The following GALM variants were observed in gnomAD, a reference collection of about 807,000 sequenced individuals.
The protein encoded by GALM is aldose 1-epimerase.
A neutral mutation model predicts 37.4 loss-of-function variants in GALM; 43 were observed. The ratio of observed to expected loss-of-function variants is 1.15; its 90% CI spans 0.90 to 1.48. The LOEUF is 1.48. GALM is among the 40% of genes most tolerant of loss of function. The pLI, the probability that GALM is intolerant of heterozygous loss-of-function variation, is 0.00. For missense variants in GALM, 456 were observed against 419.1 expected (o/e 1.09, Z -0.77); for synonymous variants, 199 against 170.6 (o/e 1.17, Z -1.30).
chr2:38,688,999 T>C lies in GALM; in HGVS notation c.553-814T>C, dbSNP rs984675437. 3.3e-5 allele frequency among the ~76,000 whole-genome samples: 5 copies of C among 152,242 alleles called. No individual in the cohort carries two copies. In the South Asian group the frequency reaches 8.3e-4, roughly 25 times the overall value. On this transcript the variant is annotated intron_variant, in intron 3 of 6. Coordinates refer to ENST00000272252, the MANE Select transcript of GALM (RefSeq NM_138801.3). ...CCACACCTGGCTAATTTTGTATTTT[T>C]AGTAGAGACGGGGCTTCTTCTTTTT...
At chr2:38,676,154 A>G in intron 2 of GALM, 88 bp downstream of exon 2, 2 of 1,331,538 alleles carry the variant, frequency 1.5e-6, no homozygotes, top group Non-Finnish European at 2.1e-6. Flanking sequence ...GCCCTAGAGC[A>G]CATGAGTGGT....
intron 4 of GALM, among the ~76,000 whole-genome samples, chr2:38,708,107 AAAATTAAAAT>A (rs139198382): frequency 0.21 from 15,583 of 73,842 alleles, 1,014 homozygotes; most frequent in Admixed American, 0.25. Context: ...AAACTGTATC[AAAATTAAAAT>A]AAAATAAAAT....
At chr2:38,678,254 C>T (rs1665308878) in intron 2 of GALM, among the ~76,000 whole-genome samples, 1 of 152,108 alleles carries the variant, frequency 6.6e-6, no homozygotes, top group South Asian at 2.1e-4. Flanking sequence ...AGGTGATTCA[C>T]CCACCTCGGC....
At chr2:38,713,464 A>G (rs1666210520) in intron 4 of GALM, among the ~76,000 whole-genome samples, 1 of 152,054 alleles carries the variant, frequency 6.6e-6, no homozygotes, top group South Asian at 2.1e-4. Context: ...ATGAAAACTG[A>G]TGGGGCAGGC....
chr2:38,698,508 C>A, intron 4 of GALM: 3 of 717,694 alleles, frequency 4.2e-6, no homozygotes, highest in South Asian at 1.8e-5. Flanking sequence ...TTATTCTTAG[C>A]TACTTAAAAA....
intron 4 of GALM, among the ~76,000 whole-genome samples, chr2:38,696,014 T>C (rs1665796864): frequency 6.6e-6 from 1 of 152,070 alleles, no homozygotes; most frequent in African/African-American, 2.4e-5. Flanking sequence ...GTTTGTTTTT[T>C]AAATCTCTCT....
At chr2:38,694,980 G>A (rs1380470773) in intron 4 of GALM, among the ~76,000 whole-genome samples, 1 of 151,760 alleles carries the variant, frequency 6.6e-6, no homozygotes, top group Non-Finnish European at 1.5e-5. Flanking sequence ...AGCATATGGT[G>A]TTCCTGACAG....
chr2:38,703,925 G>T (rs1403635924), intron 4 of GALM, among the ~76,000 whole-genome samples: 2 of 152,034 alleles, frequency 1.3e-5, no homozygotes, highest in African/African-American at 4.8e-5. Flanking sequence ...TGAGGCACAA[G>T]AATTGCTTTG....
At chr2:38,669,504 G>C (rs1665036673) in intron 1 of GALM, 2 of 152,220 alleles carry the variant, frequency 1.3e-5, no homozygotes, top group Non-Finnish European at 2.9e-5. Flanking sequence ...CGGTGTCTAA[G>C]GAGTTTTGTC....
chr2:38,723,708 T>G (rs1306088169), intron 4 of GALM, among the ~76,000 whole-genome samples: 1 of 151,990 alleles, frequency 6.6e-6, no homozygotes, highest in Non-Finnish European at 1.5e-5. Flanking sequence ...GGAGAATCCC[T>G]TGAGCCCAGG....
intron 5 of GALM, among the ~76,000 whole-genome samples, chr2:38,730,691 T>C (rs1666589629): frequency 6.6e-6 from 1 of 151,692 alleles, no homozygotes; most frequent in Admixed American, 6.6e-5. Flanking sequence ...GTGGCTGAGG[T>C]GGGCAGATCA....
intron 4 of GALM, among the ~76,000 whole-genome samples, chr2:38,703,627 A>C (rs1197778176): frequency 6.6e-6 from 1 of 152,164 alleles, no homozygotes; most frequent in African/African-American, 2.4e-5. Flanking sequence ...ACCGCACAGA[A>C]TCTCTAACCC....
chr2:38,714,660 A>C (rs1462140363), intron 4 of GALM, among the ~76,000 whole-genome samples: 1 of 152,242 alleles, frequency 6.6e-6, no homozygotes, highest in African/African-American at 2.4e-5. Flanking sequence ...TTAAACAAAC[A>C]AAAAGAAGAA....
At chr2:38,727,788 G>C (rs1475324358) in intron 4 of GALM, among the ~76,000 whole-genome samples, 2 of 150,686 alleles carry the variant, frequency 1.3e-5, no homozygotes, top group Non-Finnish European at 3.0e-5. Flanking sequence ...AGATAGATTT[G>C]TGTGTTCTCT....
At position 38,666,328 on chromosome 2, in the gene GALM, T is replaced by A. The variant is rs770576965; in HGVS notation, c.167T>A (p.Val56Glu). Reference sequence around the variant, plus strand: ...AGGCAGGGGAGAGCCTCGGACGTGGTGCTTGGCTTCGCCGAGTTGGAAGGT... The same window carrying A: ...AGGCAGGGGAGAGCCTCGGACGTGGAGCTTGGCTTCGCCGAGTTGGAAGGT... ...KDRQGRASDV[V>E]LGFAELEGYL... is the part of the protein sequence containing the mutation. The change falls in exon 1 of 7, where the codon GTG becomes GAG. Residue 56 changes from valine (V) to glutamate (E), a missense_variant. Transcript: ENST00000272252. The A allele has an allele frequency of 9.9e-6, 16 of 1,612,644 alleles. No homozygotes were observed. In the South Asian group the frequency reaches 1.8e-4, roughly 18 times the overall value.
At chr2:38,703,651 T>C (rs1380022177) in intron 4 of GALM, among the ~76,000 whole-genome samples, 2 of 152,136 alleles carry the variant, frequency 1.3e-5, no homozygotes, top group Non-Finnish European at 2.9e-5. Context: ...TATTCTTAAC[T>C]AGGGTTCTTG....
At chr2:38,716,911 A>G (rs966923039) in intron 4 of GALM, among the ~76,000 whole-genome samples, 3 of 152,182 alleles carry the variant, frequency 2.0e-5, no homozygotes, top group Non-Finnish European at 4.4e-5. Flanking sequence ...TGAAAATGAC[A>G]GTGTGCTCTG....
chr2:38,720,143 G>A (rs1164877708), intron 4 of GALM, among the ~76,000 whole-genome samples: 3 of 151,990 alleles, frequency 2.0e-5, no homozygotes, highest in Admixed American at 2.0e-4. Flanking sequence ...GCCCAGGGAG[G>A]TCAAGCCTTC....
intron 4 of GALM, among the ~76,000 whole-genome samples, chr2:38,698,780 A>T (rs1413923058): frequency 6.6e-6 from 1 of 151,890 alleles, no homozygotes; most frequent in African/African-American, 2.4e-5. Context: ...TTGTTTATAT[A>T]TTGTTTGTTT....
Sources: allele counts gnomAD v4.1 joint callset (sites outside exome capture counted in the v4.1 genomes callset), GRCh38; gene constraint gnomAD v4.1.1; transcripts MANE v1.5; gene names NCBI Gene and HGNC (gene_info 2026-07-23, HGNC 2026-07-21).